Variants in ANTXR1 observed in about 807,000 individuals in gnomAD.
The protein encoded by ANTXR1 is ANTXR cell adhesion molecule 1.
A neutral mutation model predicts 78.1 loss-of-function variants in ANTXR1; 19 were observed. That is an observed-to-expected ratio of 0.24 (90% CI 0.17 to 0.36). The LOEUF is 0.36. ANTXR1 is among the 10% of genes least tolerant of loss of function. The pLI, the probability that ANTXR1 is intolerant of heterozygous loss-of-function variation, is 1.00. For synonymous variants in ANTXR1, 273 were observed against 260.5 expected (o/e 1.05, Z -0.46); for missense variants, 518 against 718.6 (o/e 0.72, Z 3.19).
chr2:69,195,137 C>T (rs976265420), intron 17 of ANTXR1, among the ~76,000 whole-genome samples: 16 of 148,650 alleles, frequency 1.1e-4, no homozygotes, highest in African/African-American at 4.1e-4. Flanking sequence ...CACTGCACTC[C>T]AGCCTGGCAA....
chr2:69,090,999 G>A (rs1217949472), intron 9 of ANTXR1, 80 bp downstream of exon 9: 2 of 1,394,194 alleles, frequency 1.4e-6, no homozygotes, highest in Non-Finnish European at 2.0e-6. Flanking sequence ...CTTCATTGTT[G>A]GTGGGGTGGG....
intron 14 of ANTXR1, among the ~76,000 whole-genome samples, chr2:69,179,905 T>C (rs1381447873): frequency 6.6e-6 from 1 of 152,208 alleles, no homozygotes; most frequent in African/African-American, 2.4e-5. Flanking sequence ...GCAATATGTG[T>C]TTATCGAGCA....
chr2:69,172,498 C>G, intron 14 of ANTXR1: 1 of 1,465,186 alleles, frequency 6.8e-7, no homozygotes, highest in Non-Finnish European at 9.0e-7. Flanking sequence ...GTCTTTTCCT[C>G]TAGTTCCCTG....
At chr2:69,168,505 C>T (rs985698427) in intron 13 of ANTXR1, among the ~76,000 whole-genome samples, 1 of 152,148 alleles carries the variant, frequency 6.6e-6, no homozygotes, top group Non-Finnish European at 1.5e-5. Context: ...CAGCACCAAA[C>T]CTCTTCACAC....
In ANTXR1 at chr2:69,183,607, G is replaced by A. The variant is rs1310703280; in HGVS notation, c.1353+947G>A. On this transcript the variant is annotated intron_variant, in intron 16 of 17. Coordinates refer to ENST00000303714, the MANE Select transcript of ANTXR1 (RefSeq NM_032208.3). ...TTTTTTTTTTTTTTTTTTGAGGGACGGATTTCACTATGTTGCCCAGGCCTG... is the reference window on the plus strand; with the variant it reads ...TTTTTTTTTTTTTTTTTTGAGGGACAGATTTCACTATGTTGCCCAGGCCTG... Among the ~76,000 whole-genome samples, 54 of 123,860 alleles carry A rather than the reference G, an allele frequency of 4.4e-4. 1 individual carries two copies. The highest frequency in any genetic ancestry group is 3.7e-3 in the Middle Eastern group (1 of 272). 81.3% of individuals were successfully genotyped at this position (123,860 alleles called of 152,430 possible).
intron 17 of ANTXR1, among the ~76,000 whole-genome samples, chr2:69,220,279 C>T (rs1219651781): frequency 6.6e-6 from 1 of 152,168 alleles, no homozygotes; most frequent in Non-Finnish European, 1.5e-5. Flanking sequence ...CCTCATCATA[C>T]AGAGCTGCTG....
intron 6 of ANTXR1, 69 bp from the exon 7 acceptor site, chr2:69,075,517 TAGTC>T (rs1174078668): frequency 1.4e-6 from 2 of 1,410,088 alleles, no homozygotes; most frequent in Non-Finnish European, 2.0e-6. Context: ...TCATTGAAGT[TAGTC>T]AGGTAGCTCC....
chr2:69,143,735 T>C (rs992122964), intron 12 of ANTXR1, among the ~76,000 whole-genome samples: 4 of 152,134 alleles, frequency 2.6e-5, no homozygotes, highest in African/African-American at 9.7e-5. Flanking sequence ...ATGGTGTATA[T>C]ATCTCCACAA....
intron 17 of ANTXR1, among the ~76,000 whole-genome samples, chr2:69,230,839 T>C (rs1675577901): frequency 6.6e-6 from 1 of 152,208 alleles, no homozygotes; most frequent in East Asian, 1.9e-4. Flanking sequence ...GGGGTACATG[T>C]GAAGGTTTGT....
chr2:69,018,544 G>A (rs1337456177), intron 1 of ANTXR1, among the ~76,000 whole-genome samples: 1 of 152,164 alleles, frequency 6.6e-6, no homozygotes, highest in Non-Finnish European at 1.5e-5. Context: ...TACTGGATTG[G>A]GAACTTGTGT....
chr2:69,154,851 T>C (rs1334194319), intron 13 of ANTXR1, among the ~76,000 whole-genome samples: 1 of 152,168 alleles, frequency 6.6e-6, no homozygotes, highest in Non-Finnish European at 1.5e-5. Context: ...GAGCCACACA[T>C]TAACCCACAG....
chr2:69,159,944 G>A (rs10176087), intron 13 of ANTXR1, among the ~76,000 whole-genome samples: 78,299 of 152,080 alleles, frequency 0.51, 21,318 homozygotes, highest in East Asian at 0.9. Context: ...AATGTTCTTC[G>A]CACCGTTAAG....
intron 16 of ANTXR1, chr2:69,183,037 C>T: frequency 3.9e-6 from 1 of 256,380 alleles, no homozygotes; most frequent in South Asian, 4.7e-5. Context: ...GACTGTGAGT[C>T]AAGTAACTTG....
chr2:69,159,635 G>C (rs949103858), intron 13 of ANTXR1, among the ~76,000 whole-genome samples: 2 of 151,992 alleles, frequency 1.3e-5, no homozygotes, highest in African/African-American at 4.8e-5. Context: ...CTGTATTTCT[G>C]TTCATATAAC....
At chr2:69,032,891 C>T (rs571802371) in intron 1 of ANTXR1, among the ~76,000 whole-genome samples, 1 of 152,106 alleles carries the variant, frequency 6.6e-6, no homozygotes, top group Non-Finnish European at 1.5e-5. Context: ...AGTACATATA[C>T]AATACTTATG....
intron 10 of ANTXR1, among the ~76,000 whole-genome samples, chr2:69,114,133 T>C (rs1672069113): frequency 6.6e-6 from 1 of 152,236 alleles, no homozygotes; most frequent in Non-Finnish European, 1.5e-5. Context: ...GTAATATGCA[T>C]GGAAAAATTC....
intron 8 of ANTXR1, among the ~76,000 whole-genome samples, chr2:69,084,847 A>AT (rs1671000216): frequency 1.8e-4 from 24 of 134,760 alleles, no homozygotes; most frequent in African/African-American, 6.8e-4. Context: ...AGAAAAGGCA[A>AT]CTTTTTTTTT....
chr2:69,072,661 C>T (rs914979739), intron 5 of ANTXR1, among the ~76,000 whole-genome samples: 16 of 152,180 alleles, frequency 1.1e-4, no homozygotes, highest in African/African-American at 3.9e-4. Context: ...GTCTGAACAG[C>T]CCAGGTGGGA....
In ANTXR1 at chr2:69,146,319, C is replaced by T. The variant is rs1014776218; in HGVS notation, c.952-5850C>T. ...ATCTGAGAACTCCCCCCACCACTTGCTGTTAAAATTGTTAAAATTAAAGGC... is the reference window on the plus strand; with the variant it reads ...ATCTGAGAACTCCCCCCACCACTTGTTGTTAAAATTGTTAAAATTAAAGGC... On this transcript the variant is annotated intron_variant, in intron 12 of 17. Transcript: ENST00000303714. The T allele has an allele frequency of 3.8e-5, 37 of 985,254 alleles. No individual in the cohort carries two copies. The African/African-American group carries it at 6.3e-4, about 17-fold the overall frequency. The allele number at this position is 985,254 out of a possible 1,614,324, so 61.0% of individuals were successfully genotyped here.
Sources: gnomAD v4.1 joint callset for allele counts (sites outside exome capture counted in the v4.1 genomes callset) on GRCh38, gnomAD v4.1.1 for gene constraint, MANE v1.5 for transcripts, NCBI Gene and HGNC (gene_info 2026-07-23, HGNC 2026-07-21) for gene names.